Variants in MECR observed in about 807,000 individuals in gnomAD.
MECR encodes the protein enoyl-[acyl-carrier-protein] reductase, mitochondrial.
MECR carries 37 observed loss-of-function variants against 49.1 expected under a neutral mutation model. The observed-to-expected ratio is 0.75, with a 90% CI of 0.58 to 0.99. The LOEUF (loss-of-function observed/expected upper bound fraction) is 0.99, where lower values mean the gene tolerates loss of function less well. MECR is among the 50% of genes least tolerant of loss of function. The pLI is 0.00. For synonymous variants in MECR, 198 were observed against 191.1 expected (o/e 1.04, Z -0.30); for missense variants, 470 against 479.6 (o/e 0.98, Z 0.19).
At chr1:29,198,566 C>T (rs1217933653) in intron 7 of MECR, among the ~76,000 whole-genome samples, 1 of 152,186 alleles carries the variant, frequency 6.6e-6, no homozygotes, top group Non-Finnish European at 1.5e-5. Context: ...CCTGGCTCTC[C>T]TGCTGCCTAG....
intron 1 of MECR, among the ~76,000 whole-genome samples, chr1:29,225,366 C>T (rs978845149): frequency 2.2e-4 from 33 of 152,058 alleles, no homozygotes; most frequent in African/African-American, 6.8e-4. Context: ...CACTGCTCAC[C>T]GGATCTCTGG....
intron 1 of MECR, chr1:29,224,203 G>A (rs1440617989): frequency 2.0e-5 from 3 of 152,222 alleles, no homozygotes; most frequent in Non-Finnish European, 4.4e-5. Context: ...CACTCAACTT[G>A]CTGAGGACCA....
In MECR at chr1:29,230,803, G is replaced by C; in HGVS notation, c.104C>G (p.Ser35Cys). The part of the protein sequence containing the change: ...GCHGPAASSY[S>C]ASAEPARVRA... ...GACCCGGGCAGGCTCGGCGGATGCG[G>C]AGTAGGAGGAGGCGGCAGGTCCGTG... Residue 35 changes from serine to cysteine, a missense_variant, in exon 1 of 10, where the codon TCC (serine) becomes TGC (cysteine). Coordinates refer to ENST00000263702, the MANE Select transcript of MECR (RefSeq NM_016011.5). 6.2e-7 allele frequency: 1 copy of C among 1,607,536 alleles called. No homozygotes were observed. The highest frequency in any genetic ancestry group is 2.2e-5 in the East Asian group (1 of 44,580).
chr1:29,173,228 C>T, the MECR span: 1 of 148,752 alleles, frequency 6.7e-6, no homozygotes, highest in Non-Finnish European at 1.5e-5. Flanking sequence ...AGCTCAGCCT[C>T]CCGGGTTCAC....
intron 7 of MECR, among the ~76,000 whole-genome samples, chr1:29,199,509 G>C (rs1161104217): frequency 6.6e-6 from 1 of 152,192 alleles, no homozygotes; most frequent in African/African-American, 2.4e-5. Context: ...TTATAGGCTT[G>C]AGCCACTGCG....
intron 1 of MECR, among the ~76,000 whole-genome samples, chr1:29,219,158 A>C (rs993715042): frequency 2.0e-5 from 3 of 152,242 alleles, no homozygotes; most frequent in African/African-American, 7.2e-5. Flanking sequence ...AGGAGGCATC[A>C]GCCCAGATAG....
chr1:29,220,116 CATGGTGGCT>C (rs1316124311), intron 1 of MECR, among the ~76,000 whole-genome samples: 1 of 151,822 alleles, frequency 6.6e-6, no homozygotes, highest in Non-Finnish European at 1.5e-5. Context: ...CATGGCCAGG[CATGGTGGCT>C]CACGCCTGTA....
chr1:29,222,413 G>A (rs1022739852), intron 1 of MECR, among the ~76,000 whole-genome samples: 4 of 152,066 alleles, frequency 2.6e-5, no homozygotes, highest in African/African-American at 7.2e-5. Flanking sequence ...TATTTCCTGC[G>A]ATCCAATTTG....
intron 3 of MECR, among the ~76,000 whole-genome samples, chr1:29,214,369 T>C (rs1678809915): frequency 6.7e-6 from 1 of 149,610 alleles, no homozygotes; most frequent in African/African-American, 2.5e-5. Context: ...CCTTATTTTT[T>C]TTTTTTTTTG....
the MECR span, among the ~76,000 whole-genome samples, chr1:29,177,163 T>C: frequency 9.1e-4 from 138 of 151,960 alleles, 1 homozygote; most frequent in Middle Eastern, 3.4e-3. Flanking sequence ...CTATATACAA[T>C]CAAAGCCAAC....
the MECR span, chr1:29,170,260 C>T: frequency 9.1e-4 from 138 of 152,228 alleles, 1 homozygote; most frequent in Middle Eastern, 3.4e-3. Context: ...TGAAAAAACT[C>T]GAGAGATGAA....
intron 1 of MECR, chr1:29,224,641 G>A (rs1371830952): frequency 6.6e-6 from 1 of 151,996 alleles, no homozygotes; most frequent in Non-Finnish European, 1.5e-5. Flanking sequence ...TACAGAAAGG[G>A]ACTGTGAAGG....
intron 1 of MECR, among the ~76,000 whole-genome samples, chr1:29,228,252 GCTGT>G (rs920516180): frequency 6.6e-5 from 10 of 151,062 alleles, no homozygotes; most frequent in Non-Finnish European, 1.3e-4. Context: ...TAAAATAAAA[GCTGT>G]CTGATATTTT....
Position 29,216,583 on chromosome 1 carries a change from G to A in MECR, c.274+5C>T. On this transcript the variant is annotated splice_donor_5th_base_variant and intron_variant, in intron 2 of 9. Coordinates refer to ENST00000263702, the MANE Select transcript of MECR (RefSeq NM_016011.5). ...ATTAACATAAGCCACAGAAACCAAG[G>A]TTACCTTGGATCATATTTATGTCAG... is the stretch of plus-strand genomic sequence containing the variant. The A allele has an allele frequency of 6.2e-7, 1 of 1,613,880 alleles. No individual in the cohort carries two copies. The highest frequency in any genetic ancestry group is 1.1e-5 in the South Asian group (1 of 91,074).
At chr1:29,174,977 GTTT>G in the MECR span, among the ~76,000 whole-genome samples, 1 of 143,570 alleles carries the variant, frequency 7.0e-6, no homozygotes, top group Non-Finnish European at 1.5e-5. Flanking sequence ...TGGCCGGTGG[GTTT>G]TTTAATTAAA....
At position 29,208,239 on chromosome 1, in the gene MECR, G is replaced by A. The variant is rs138033976; in HGVS notation, c.407-1334C>T. 1.4e-3 allele frequency among the ~76,000 whole-genome samples: 211 copies of A among 152,304 alleles called. 1 individual carries two copies. The highest frequency in any genetic ancestry group is 4.5e-3 in the African/African-American group (185 of 41,570). ...ACTCCTGACCACAGCTGATCCGCCC[G>A]CCTCGGCCTCCCAGAGTGCTGGGAT... On this transcript the variant is annotated intron_variant, in intron 3 of 9. Transcript: ENST00000263702.
the MECR span, chr1:29,171,876 A>G: frequency 1.3e-5 from 2 of 152,200 alleles, no homozygotes; most frequent in African/African-American, 4.8e-5. Flanking sequence ...AGTATATTAA[A>G]CTGAAGAACA....
intron 1 of MECR, chr1:29,216,915 A>T (rs1333786698): frequency 3.2e-6 from 3 of 923,280 alleles, no homozygotes; most frequent in Admixed American, 7.1e-5. Context: ...CAGGCGGATA[A>T]CCTGAGGTCA....
chr1:29,167,974 T>C, the MECR span, among the ~76,000 whole-genome samples: 2 of 151,124 alleles, frequency 1.3e-5, no homozygotes, highest in South Asian at 4.2e-4. Context: ...GACCCATGAC[T>C]CTAAAAATCC....
Sources: gnomAD v4.1 joint callset for allele counts (sites outside exome capture counted in the v4.1 genomes callset) on GRCh38, gnomAD v4.1.1 for gene constraint, MANE v1.5 for transcripts, NCBI Gene and HGNC (gene_info 2026-07-23, HGNC 2026-07-21) for gene names.